PPP1R9A: variants seen among roughly 807,000 people sequenced by gnomAD.
PPP1R9A encodes the protein protein phosphatase 1 regulatory subunit 9A.
PPP1R9A carries 59 observed loss-of-function variants against 141.9 expected under a neutral mutation model. The ratio of observed to expected loss-of-function variants is 0.42; its 90% confidence interval spans 0.34 to 0.52. The LOEUF (loss-of-function observed/expected upper bound fraction) is 0.52, where lower values mean the gene tolerates loss of function less well. Ranked by LOEUF, PPP1R9A falls within the 20% of genes least tolerant of loss-of-function variation. PPP1R9A has a pLI of 0.10. For missense variants in PPP1R9A, 1,444 were observed against 1,611.9 expected (o/e 0.90, Z 1.78); for synonymous variants, 500 against 569.7 (o/e 0.88, Z 1.74).
intron 5 of PPP1R9A, among the ~76,000 whole-genome samples, chr7:95,184,027 A>G (rs907538567): frequency 1.3e-4 from 20 of 152,154 alleles, no homozygotes; most frequent in African/African-American, 4.6e-4. Flanking sequence ...CTCTCAATAT[A>G]GAAAGGAAAA....
chr7:95,038,322 G>T (rs1213482694), intron 2 of PPP1R9A, among the ~76,000 whole-genome samples: 1 of 152,066 alleles, frequency 6.6e-6, no homozygotes, highest in Non-Finnish European at 1.5e-5. Flanking sequence ...AAACTGGTAG[G>T]AACAGTTTAA....
At chr7:95,075,539 T>C (rs1181500710) in intron 2 of PPP1R9A, among the ~76,000 whole-genome samples, 1 of 152,116 alleles carries the variant, frequency 6.6e-6, no homozygotes, top group East Asian at 1.9e-4. Flanking sequence ...TGATAAAGTA[T>C]GGAGAGGTAG....
In PPP1R9A at chr7:95,249,928, A is replaced by T. The variant is rs904198067; in HGVS notation, c.2167-98A>T. 5.6e-6 allele frequency: 8 copies of T among 1,427,844 alleles called. No homozygotes were observed. In the Admixed American group the frequency reaches 9.1e-5, roughly 16 times the overall value. The allele number at this position is 1,427,844 out of a possible 1,614,324, so 88.4% of individuals were successfully genotyped here. On this transcript the variant is annotated intron_variant, in intron 9 of 19. Coordinates refer to ENST00000433360, the MANE Select transcript of PPP1R9A (RefSeq NM_001166160.2). Reference sequence around the variant, plus strand: ...TCTCAAGTGGATTCAGTGATTGTTTATGATAATAGAACTTGATCTACAACA... The same window carrying T: ...TCTCAAGTGGATTCAGTGATTGTTTTTGATAATAGAACTTGATCTACAACA...
Position 95,292,341 on chromosome 7 carries a change from T to C in PPP1R9A, c.*2038T>C, listed in dbSNP as rs1461091251. 1 of 152,610 alleles carries C rather than the reference T, an allele frequency of 6.6e-6. No individual in the cohort carries two copies. Among genetic ancestry groups the C allele is most frequent in the Non-Finnish European group, 1.5e-5 (1 of 68,020 alleles). The allele number at this position is 152,610 out of a possible 1,614,324, so 9.5% of individuals were successfully genotyped here. ...AATCTGGTAATATTAGTGCTTGCTA[T>C]TGTAAATTTTTGCCATTTTTGCTTA... On this transcript the variant is annotated 3_prime_UTR_variant, in exon 20 of 20. Transcript: ENST00000433360.
At chr7:95,090,618 G>T (rs1185802640) in intron 2 of PPP1R9A, among the ~76,000 whole-genome samples, 1 of 151,860 alleles carries the variant, frequency 6.6e-6, no homozygotes, top group African/African-American at 2.4e-5. Flanking sequence ...GACCAGCCTG[G>T]TCAACATAGT....
intron 2 of PPP1R9A, among the ~76,000 whole-genome samples, chr7:95,025,591 T>C (rs1434217665): frequency 6.6e-6 from 1 of 152,158 alleles, no homozygotes; most frequent in Non-Finnish European, 1.5e-5. Context: ...TAGTATTCTC[T>C]GTATTTCCTG....
intron 4 of PPP1R9A, among the ~76,000 whole-genome samples, chr7:95,130,349 G>T (rs1216124178): frequency 6.6e-6 from 1 of 152,190 alleles, no homozygotes; most frequent in Non-Finnish European, 1.5e-5. Flanking sequence ...GCCTGCAAGT[G>T]CACAAAAGTC....
chr7:95,204,593 AACAC>A (rs565840287), intron 7 of PPP1R9A, among the ~76,000 whole-genome samples: 3 of 151,348 alleles, frequency 2.0e-5, no homozygotes, highest in East Asian at 1.9e-4. Context: ...ACACATGCTT[AACAC>A]ACACACACAC....
At chr7:95,164,402 T>A (rs1192893330) in intron 5 of PPP1R9A, among the ~76,000 whole-genome samples, 1 of 152,198 alleles carries the variant, frequency 6.6e-6, no homozygotes, top group Non-Finnish European at 1.5e-5. Flanking sequence ...TTTTACCTCT[T>A]TTGGATTTTT....
chr7:95,138,727 A>C (rs932918558), intron 4 of PPP1R9A, among the ~76,000 whole-genome samples: 1 of 152,270 alleles, frequency 6.6e-6, no homozygotes, highest in Non-Finnish European at 1.5e-5. Flanking sequence ...CAAAGTGGAA[A>C]ACTTATGACT....
At chr7:95,108,779 A>T (rs1032974188) in intron 2 of PPP1R9A, 1 of 152,178 alleles carries the variant, frequency 6.6e-6, no homozygotes, top group African/African-American at 2.4e-5. Context: ...CCTGAAAAAA[A>T]AAATGTTGGG....
intron 7 of PPP1R9A, among the ~76,000 whole-genome samples, chr7:95,223,640 G>A (rs1333821215): frequency 6.6e-6 from 1 of 151,966 alleles, no homozygotes; most frequent in African/African-American, 2.4e-5. Context: ...GCTAGCAAAA[G>A]GAAATCAAAT....
chr7:95,269,320 T>C lies in PPP1R9A; in HGVS notation c.2937T>C (p.Asp979=), dbSNP rs1415216179. The C allele has an allele frequency of 3.1e-6, 5 of 1,598,380 alleles. No homozygotes were observed. Among genetic ancestry groups the C allele is most frequent in the East Asian group, 2.2e-5 (1 of 44,822 alleles). The change falls in exon 14 of 20, where the codon GAT becomes GAC. Residue 979 remains aspartate, a synonymous_variant. Coordinates refer to ENST00000433360, the MANE Select transcript of PPP1R9A (RefSeq NM_001166160.2). ...DSGVPPLTPV[D]SNVPFSSDHI... The stretch of plus-strand genomic sequence containing the variant: ...GTGTTCCACCCCTCACCCCGGTGGA[T>C]AGCAATGTGCCCTTCTCGTCTGACC...
At chr7:95,028,956 C>T (rs1018994479) in intron 2 of PPP1R9A, among the ~76,000 whole-genome samples, 1 of 152,082 alleles carries the variant, frequency 6.6e-6, no homozygotes, top group African/African-American at 2.4e-5. Flanking sequence ...GCAGATTGGT[C>T]TCAGAAGAAA....
At chr7:95,112,684 A>G (rs112537025) in intron 3 of PPP1R9A, among the ~76,000 whole-genome samples, 2 of 152,334 alleles carry the variant, frequency 1.3e-5, no homozygotes, top group Admixed American at 6.5e-5. Context: ...GTATTCATCA[A>G]TAGATGACTG....
At chr7:95,126,763 G>A (rs1823625234) in intron 4 of PPP1R9A, among the ~76,000 whole-genome samples, 1 of 152,132 alleles carries the variant, frequency 6.6e-6, no homozygotes, top group Non-Finnish European at 1.5e-5. Flanking sequence ...GATTATCAGT[G>A]TTACTGTTCT....
chr7:94,988,998 T>C (rs1300963824), intron 2 of PPP1R9A, among the ~76,000 whole-genome samples: 1 of 152,084 alleles, frequency 6.6e-6, no homozygotes, highest in Non-Finnish European at 1.5e-5. Flanking sequence ...TAGTTAACTC[T>C]AAAACAATGG....
chr7:95,072,936 T>TTA (rs1217803634), intron 2 of PPP1R9A, among the ~76,000 whole-genome samples: 2 of 127,800 alleles, frequency 1.6e-5, no homozygotes, highest in African/African-American at 5.9e-5. Flanking sequence ...TGCATATATA[T>TTA]TATATATATT....
chr7:95,189,736 G>A (rs1410693240), intron 5 of PPP1R9A, among the ~76,000 whole-genome samples: 5 of 152,102 alleles, frequency 3.3e-5, no homozygotes, highest in Admixed American at 2.0e-4. Flanking sequence ...GCGCCCGGCC[G>A]GGTTTGTTTA....
Sources: gnomAD v4.1 joint callset for allele counts (sites outside exome capture counted in the v4.1 genomes callset) on GRCh38, gnomAD v4.1.1 for gene constraint, MANE v1.5 for transcripts, NCBI Gene and HGNC (gene_info 2026-07-23, HGNC 2026-07-21) for gene names.